The following RASA1 variants were observed in gnomAD, a reference collection of about 807,000 sequenced individuals.
RASA1 encodes the protein RAS p21 protein activator 1.
A neutral mutation model predicts 132.2 loss-of-function variants in RASA1; 25 were observed. That is an observed-to-expected ratio of 0.19 (90% confidence interval 0.14 to 0.26). The LOEUF is 0.26. RASA1 is among the 10% of genes least tolerant of loss of function. RASA1 has a pLI of 1.00. For missense variants in RASA1, 964 were observed against 1,299.2 expected, an observed-to-expected ratio of 0.74 and a Z score of 3.97; for synonymous variants, 477 against 449.9, an observed-to-expected ratio of 1.06 and a Z score of -0.76.
intron 1 of RASA1, 142 bp from the exon 2 acceptor site, chr5:87,331,206 T>A: frequency 9.7e-7 from 1 of 1,030,054 alleles, no homozygotes; most frequent in Non-Finnish European, 1.5e-6. Context: ...GAGTTAAAAT[T>A]GGAATAACTG....
At chr5:87,277,208 C>G (rs961896108) in intron 1 of RASA1, among the ~76,000 whole-genome samples, 1 of 152,052 alleles carries the variant, frequency 6.6e-6, no homozygotes, top group African/African-American at 2.4e-5. Context: ...TTTTGTCTTG[C>G]CCCTTTCCAT....
At chr5:87,297,026 T>C (rs559895859) in intron 1 of RASA1, among the ~76,000 whole-genome samples, 1 of 152,292 alleles carries the variant, frequency 6.6e-6, no homozygotes, top group Non-Finnish European at 1.5e-5. Context: ...AGCTCAGAGA[T>C]GCTTTCCTTA....
At chr5:87,271,761 C>T (rs1451311540) in intron 1 of RASA1, among the ~76,000 whole-genome samples, 1 of 151,578 alleles carries the variant, frequency 6.6e-6, no homozygotes. Context: ...CAGGTGTGAG[C>T]CACCGCGCCT....
chr5:87,328,404 T>G (rs927643959), intron 1 of RASA1, among the ~76,000 whole-genome samples: 1 of 152,196 alleles, frequency 6.6e-6, no homozygotes. Flanking sequence ...TGTGAAGACT[T>G]AAGAGTAATA....
intron 1 of RASA1, among the ~76,000 whole-genome samples, chr5:87,285,188 T>C (rs1204449556): frequency 1.3e-5 from 2 of 151,306 alleles, no homozygotes; most frequent in African/African-American, 4.9e-5. Flanking sequence ...CTGCCTCAGC[T>C]TCCCAAGTAG....
In RASA1 at chr5:87,268,468, C is replaced by A. The variant is rs1010729751; in HGVS notation, c.17C>A (p.Ala6Asp). The change falls in exon 1 of 25, where the codon GCC (alanine) becomes GAC (aspartate). Residue 6 changes from alanine to aspartate, a missense_variant. By Grantham distance (126) the Ala-to-Asp change is moderately radical. Coordinates refer to ENST00000274376, the MANE Select transcript of RASA1 (RefSeq NM_002890.3). Reference protein sequence around the residue: MMAAEAGSEEGGPVTA... With the variant: MMAAEDGSEEGGPVTA... ...GGCTTCAACATGATGGCGGCCGAGG[C>A]CGGCAGTGAGGAGGGCGGCCCGGTA... is the stretch of plus-strand genomic sequence containing the variant. 1 of 1,550,814 alleles carries A rather than the reference C, an allele frequency of 6.4e-7. No individual in the cohort carries two copies. The highest frequency in any genetic ancestry group is 1.2e-5 in the South Asian group (1 of 84,154).
Position 87,331,342 on chromosome 5 carries a change from C to T in RASA1, c.540-6C>T. 1 of 1,597,630 alleles carries T rather than the reference C, an allele frequency of 6.3e-7. No homozygotes were observed. The highest frequency in any genetic ancestry group is 8.6e-7 in the Non-Finnish European group (1 of 1,165,300). On this transcript the variant is annotated splice_polypyrimidine_tract_variant and splice_region_variant and intron_variant, in intron 1 of 24. Transcript: ENST00000274376. ...TATTGTAATATCTTCTCTGTTTTTC[C>T]CCTAGGTGGTATCACGGAAAACTTG...
chr5:87,299,359 AG>A (rs1755259537), intron 1 of RASA1, among the ~76,000 whole-genome samples: 1 of 152,208 alleles, frequency 6.6e-6, no homozygotes, highest in African/African-American at 2.4e-5. Context: ...TAATGCTTTT[AG>A]TGAATCACTA....
chr5:87,369,683 C>T, intron 11 of RASA1, 130 bp from the exon 12 acceptor site: 1 of 676,712 alleles, frequency 1.5e-6, no homozygotes, highest in Non-Finnish European at 2.6e-6. Context: ...TGATCTGGTA[C>T]AATGGAGTAT....
At chr5:87,378,262 C>A in intron 17 of RASA1, 134 bp from the exon 18 acceptor site, 1 of 978,300 alleles carries the variant, frequency 1.0e-6, no homozygotes, top group Non-Finnish European at 1.6e-6. Context: ...GTAATTAGTA[C>A]TTTCAACGCT....
chr5:87,282,258 T>G (rs751930589), intron 1 of RASA1, among the ~76,000 whole-genome samples: 16 of 152,214 alleles, frequency 1.1e-4, no homozygotes, highest in Non-Finnish European at 2.2e-4. Context: ...TGTCTGCTAG[T>G]AACAATTTAT....
intron 1 of RASA1, among the ~76,000 whole-genome samples, chr5:87,284,644 T>C (rs916176795): frequency 1.3e-5 from 2 of 152,228 alleles, no homozygotes; most frequent in African/African-American, 2.4e-5. Flanking sequence ...TTTGGAATCA[T>C]GTAGTAATTC....
chr5:87,368,961 A>G (rs2112472765), intron 11 of RASA1, among the ~76,000 whole-genome samples: 1 of 152,350 alleles, frequency 6.6e-6, no homozygotes, highest in Non-Finnish European at 1.5e-5. Flanking sequence ...ATTTAGGATT[A>G]GAAGTTTCCA....
At chr5:87,309,672 G>A (rs534594680) in intron 1 of RASA1, among the ~76,000 whole-genome samples, 6 of 151,968 alleles carry the variant, frequency 3.9e-5, no homozygotes, top group Admixed American at 6.6e-5. Flanking sequence ...CATATATTTT[G>A]TACTGTCAAA....
chr5:87,378,543 G>A lies in RASA1; in HGVS notation c.2487+5G>A, dbSNP rs1437832961. The stretch of plus-strand genomic sequence containing the variant: ...GAAAGCAAGCAGTCTTGTGAGGTAA[G>A]AATTTAATGTTTTAATAAGTATTTT... On this transcript the variant is annotated splice_donor_5th_base_variant and intron_variant, in intron 18 of 24. Coordinates refer to ENST00000274376, the MANE Select transcript of RASA1 (RefSeq NM_002890.3). 6.2e-7 allele frequency: 1 copy of A among 1,601,688 alleles called. No homozygotes were observed. The highest frequency in any genetic ancestry group is 2.2e-5 in the East Asian group (1 of 44,662).
intron 1 of RASA1, among the ~76,000 whole-genome samples, chr5:87,293,369 T>C (rs1049405525): frequency 6.6e-6 from 1 of 152,162 alleles, no homozygotes; most frequent in Non-Finnish European, 1.5e-5. Flanking sequence ...AATATGATCA[T>C]GTGATTTTTC....
At chr5:87,386,998 T>C (rs1762107453) in intron 23 of RASA1, 95 bp downstream of exon 23, 6 of 1,184,814 alleles carry the variant, frequency 5.1e-6, no homozygotes, top group Non-Finnish European at 7.3e-6. Flanking sequence ...AGATTTTCTA[T>C]CCAAAACTAA....
intron 4 of RASA1, 102 bp from the exon 5 acceptor site, chr5:87,337,872 T>C: frequency 8.1e-7 from 1 of 1,235,186 alleles, no homozygotes; most frequent in Non-Finnish European, 1.1e-6. Context: ...CCTTACATTT[T>C]TCAATATAAT....
At chr5:87,333,242 A>G in intron 3 of RASA1, 25 bp from the exon 4 acceptor site, 4 of 1,607,564 alleles carry the variant, frequency 2.5e-6, no homozygotes, top group Non-Finnish European at 3.4e-6. Context: ...ATCTTTTTAA[A>G]TCTTTTTTTT....
Sources: gnomAD v4.1 joint callset for allele counts (sites outside exome capture counted in the v4.1 genomes callset) on GRCh38, gnomAD v4.1.1 for gene constraint, MANE v1.5 for transcripts, NCBI Gene and HGNC (gene_info 2026-07-23, HGNC 2026-07-21) for gene names.